Variants in SCHIP1 observed in about 807,000 individuals in gnomAD.
SCHIP1 encodes schwannomin interacting protein 1.
SCHIP1 carries 8 observed loss-of-function variants against 29.7 expected under a neutral mutation model. The observed-to-expected ratio is 0.27, with a 90% confidence interval of 0.16 to 0.49. The LOEUF (loss-of-function observed/expected upper bound fraction) is 0.49, where lower values mean the gene tolerates loss of function less well. SCHIP1 is among the 20% of genes least tolerant of loss of function. The pLI is 0.99. For missense variants in SCHIP1, 193 were observed against 294.6 expected, an observed-to-expected ratio of 0.66 and a Z score of 2.52; for synonymous variants, 76 against 94.9, an observed-to-expected ratio of 0.80 and a Z score of 1.16.
At chr3:159,314,586 C>A in the SCHIP1 span, among the ~76,000 whole-genome samples, 1 of 152,110 alleles carries the variant, frequency 6.6e-6, no homozygotes, top group Non-Finnish European at 1.5e-5. Context: ...ATAGGTATGT[C>A]TGGATATATT....
At chr3:159,606,951 G>A in the SCHIP1 span, among the ~76,000 whole-genome samples, 1 of 152,194 alleles carries the variant, frequency 6.6e-6, no homozygotes, top group African/African-American at 2.4e-5. Flanking sequence ...ACAGGAGGAA[G>A]GAGTGGAAAG....
the SCHIP1 span, among the ~76,000 whole-genome samples, chr3:159,607,554 C>T: frequency 3.3e-5 from 5 of 152,106 alleles, no homozygotes; most frequent in East Asian, 1.9e-4. Context: ...CTCTGGGTAT[C>T]CAAGGGAGAA....
the SCHIP1 span, among the ~76,000 whole-genome samples, chr3:159,311,456 T>C: frequency 6.6e-6 from 1 of 152,176 alleles, no homozygotes; most frequent in Non-Finnish European, 1.5e-5. Flanking sequence ...ATTTTTCCAG[T>C]TGTATTTCTC....
chr3:159,694,195 G>C, the SCHIP1 span, among the ~76,000 whole-genome samples: 3 of 151,888 alleles, frequency 2.0e-5, no homozygotes, highest in Non-Finnish European at 2.9e-5. Context: ...TTTTGTAATA[G>C]AGATTGTGGG....
chr3:159,398,718 G>A, the SCHIP1 span: 2 of 152,092 alleles, frequency 1.3e-5, no homozygotes, highest in Admixed American at 1.3e-4. Context: ...AGAGAGGAGG[G>A]TGAGAGATTA....
the SCHIP1 span, among the ~76,000 whole-genome samples, chr3:159,721,192 G>T: frequency 6.6e-6 from 1 of 152,122 alleles, no homozygotes; most frequent in Non-Finnish European, 1.5e-5. Flanking sequence ...AGTCTAAAGG[G>T]TATTATTAAT....
the SCHIP1 span, among the ~76,000 whole-genome samples, chr3:159,573,482 T>G: frequency 6.6e-6 from 1 of 152,210 alleles, no homozygotes; most frequent in Admixed American, 6.5e-5. Context: ...AGATCCACTG[T>G]TAGTCTGATG....
the SCHIP1 span, among the ~76,000 whole-genome samples, chr3:159,443,948 G>T: frequency 6.6e-6 from 1 of 152,138 alleles, no homozygotes; most frequent in Admixed American, 6.6e-5. Flanking sequence ...TGTAATTCCA[G>T]ACACCAGTTA....
chr3:159,517,984 A>T, the SCHIP1 span, among the ~76,000 whole-genome samples: 2 of 152,162 alleles, frequency 1.3e-5, no homozygotes, highest in African/African-American at 4.8e-5. Context: ...AGGAGAATTA[A>T]CCTAAATATC....
chr3:159,641,583 ACACT>A, the SCHIP1 span, among the ~76,000 whole-genome samples: 2 of 152,136 alleles, frequency 1.3e-5, no homozygotes, highest in African/African-American at 2.4e-5. Flanking sequence ...CTGAGAAATG[ACACT>A]CAAATAGGGC....
Position 159,840,330 on chromosome 3 carries a change from C to T in SCHIP1, c.30+116C>T, listed in dbSNP as rs1170998692. 4.5e-6 allele frequency: 4 copies of T among 880,576 alleles called. No homozygotes were observed. In the African/African-American group the frequency reaches 4.9e-5, roughly 11 times the overall value. The allele number at this position is 880,576 out of a possible 1,614,324, so 54.5% of individuals were successfully genotyped here. A position where few individuals can be genotyped will look rare whatever the true frequency, so the allele number is the denominator to read the frequency against. ...TCAGGGATTTTGCCATCTTCCGCGCCTGGCCTTCATCACGTGCAGTATCTG... is the reference window on the plus strand; with the variant it reads ...TCAGGGATTTTGCCATCTTCCGCGCTTGGCCTTCATCACGTGCAGTATCTG... On this transcript the variant is annotated intron_variant, in intron 1 of 6. Coordinates refer to ENST00000445224, the Ensembl canonical transcript of SCHIP1.
chr3:159,847,051 C>T (rs1335359405), intron 1 of SCHIP1, among the ~76,000 whole-genome samples: 2 of 152,014 alleles, frequency 1.3e-5, no homozygotes, highest in Non-Finnish European at 2.9e-5. Context: ...AGCATTTGGG[C>T]CTCAAACTTC....
At chr3:159,843,435 A>G (rs1242018720) in intron 1 of SCHIP1, among the ~76,000 whole-genome samples, 1 of 152,100 alleles carries the variant, frequency 6.6e-6, no homozygotes, top group Non-Finnish European at 1.5e-5. Context: ...CAGGGATTTT[A>G]TCTTTGTTCT....
chr3:159,275,912 T>C, the SCHIP1 span, among the ~76,000 whole-genome samples: 4 of 152,198 alleles, frequency 2.6e-5, no homozygotes, highest in Admixed American at 6.5e-5. Context: ...ATTTTGCTTT[T>C]CTTGCCAATG....
At chr3:159,463,195 G>A in the SCHIP1 span, among the ~76,000 whole-genome samples, 5 of 151,922 alleles carry the variant, frequency 3.3e-5, no homozygotes, top group South Asian at 6.2e-4. Flanking sequence ...ATGGGGAAAA[G>A]TCTATAGAAT....
At chr3:159,588,178 G>T in the SCHIP1 span, among the ~76,000 whole-genome samples, 1 of 152,120 alleles carries the variant, frequency 6.6e-6, no homozygotes, top group Non-Finnish European at 1.5e-5. Flanking sequence ...GTGTAAGATG[G>T]TATCTCATTG....
chr3:159,546,603 T>C, the SCHIP1 span, among the ~76,000 whole-genome samples: 1 of 152,134 alleles, frequency 6.6e-6, no homozygotes, highest in Non-Finnish European at 1.5e-5. Flanking sequence ...CCCTGGTGTG[T>C]GATGTTCCCC....
At chr3:159,591,110 C>A in the SCHIP1 span, among the ~76,000 whole-genome samples, 2 of 152,132 alleles carry the variant, frequency 1.3e-5, no homozygotes, top group Non-Finnish European at 2.9e-5. Flanking sequence ...CTAGTAAAGA[C>A]CCCCAAATGA....
the SCHIP1 span, among the ~76,000 whole-genome samples, chr3:159,635,797 C>T: frequency 6.6e-6 from 1 of 152,192 alleles, no homozygotes; most frequent in African/African-American, 2.4e-5. Flanking sequence ...TTCATAATCA[C>T]AAATGCAGTT....
Sources: allele counts gnomAD v4.1 joint callset (sites outside exome capture counted in the v4.1 genomes callset), GRCh38; gene constraint gnomAD v4.1.1; transcripts MANE v1.5; gene names NCBI Gene and HGNC (gene_info 2026-07-23, HGNC 2026-07-21).